The following FHIT variants were observed in gnomAD, a reference collection of about 807,000 sequenced individuals.
FHIT encodes fragile histidine triad diadenosine triphosphatase, also known as bis(5'-adenosyl)-triphosphatase.
FHIT carries 19 observed loss-of-function variants against 17.9 expected under a neutral mutation model. The ratio of observed to expected loss-of-function variants is 1.06; its 90% CI spans 0.74 to 1.56. The LOEUF (loss-of-function observed/expected upper bound fraction) is 1.56. Ranked by LOEUF, FHIT falls within the 40% of genes most tolerant of loss-of-function variation. The pLI, the probability that FHIT is intolerant of heterozygous loss-of-function variation, is 0.00. For missense variants in FHIT, 248 were observed against 189.2 expected, an observed-to-expected ratio of 1.31 and a Z score of -1.82; for synonymous variants, 81 against 69.7, an observed-to-expected ratio of 1.16 and a Z score of -0.81.
intron 4 of FHIT, among the ~76,000 whole-genome samples, chr3:60,791,032 T>C (rs1376989653): frequency 6.6e-6 from 1 of 152,186 alleles, no homozygotes; most frequent in African/African-American, 2.4e-5. Flanking sequence ...AAGACTCTTT[T>C]TAGACAAATG....
intron 5 of FHIT, among the ~76,000 whole-genome samples, chr3:60,309,832 C>T (rs1218590861): frequency 1.3e-5 from 2 of 152,114 alleles, no homozygotes; most frequent in Non-Finnish European, 2.9e-5. Context: ...CCTCTATCAG[C>T]TCAAGTCGCT....
At chr3:60,106,269 G>C (rs765537566) in intron 5 of FHIT, among the ~76,000 whole-genome samples, 6 of 152,142 alleles carry the variant, frequency 3.9e-5, no homozygotes, top group Admixed American at 1.3e-4. Flanking sequence ...AAGTCCCAAA[G>C]TATCTCTTTT....
At chr3:60,294,435 G>A (rs957557876) in intron 5 of FHIT, among the ~76,000 whole-genome samples, 2 of 152,172 alleles carry the variant, frequency 1.3e-5, no homozygotes, top group East Asian at 3.9e-4. Flanking sequence ...TCACAAGTTA[G>A]CTGGCAGCAG....
intron 5 of FHIT, among the ~76,000 whole-genome samples, chr3:60,046,700 T>C (rs1277502528): frequency 6.6e-6 from 1 of 152,214 alleles, no homozygotes. Context: ...AGAAAGCCAG[T>C]AATGTTTACA....
chr3:60,225,560 C>G (rs116265723), intron 5 of FHIT, among the ~76,000 whole-genome samples: 2 of 152,156 alleles, frequency 1.3e-5, no homozygotes, highest in African/African-American at 4.8e-5. Flanking sequence ...AGATACAAGA[C>G]AGTCTGCACG....
chr3:60,335,145 T>G (rs1051288321), intron 5 of FHIT, among the ~76,000 whole-genome samples: 1 of 152,192 alleles, frequency 6.6e-6, no homozygotes, highest in African/African-American at 2.4e-5. Flanking sequence ...AATCTCTGAT[T>G]TGTAAAGGAA....
chr3:59,805,074 T>C (rs559077941), intron 8 of FHIT, among the ~76,000 whole-genome samples: 1 of 152,030 alleles, frequency 6.6e-6, no homozygotes, highest in East Asian at 1.9e-4. Context: ...GGAGAAAGAG[T>C]CCTCCTCTGT....
intron 3 of FHIT, among the ~76,000 whole-genome samples, chr3:60,865,337 G>C (rs1704109080): frequency 6.6e-6 from 1 of 152,090 alleles, no homozygotes; most frequent in Non-Finnish European, 1.5e-5. Context: ...CCCATTTCAA[G>C]TCCTCAACAG....
At chr3:59,882,925 C>G (rs753689705) in intron 8 of FHIT, among the ~76,000 whole-genome samples, 4 of 152,110 alleles carry the variant, frequency 2.6e-5, no homozygotes, top group African/African-American at 9.7e-5. Context: ...CTATGCTGTT[C>G]GGAGGAGGAA....
At chr3:61,009,349 T>G (rs539510166) in intron 3 of FHIT, among the ~76,000 whole-genome samples, 13 of 152,326 alleles carry the variant, frequency 8.5e-5, no homozygotes, top group African/African-American at 3.1e-4. Context: ...TTGTGTTTTC[T>G]TCTCTGAAAC....
intron 5 of FHIT, among the ~76,000 whole-genome samples, chr3:60,133,594 G>T (rs1559663860): frequency 6.6e-6 from 1 of 152,062 alleles, no homozygotes; most frequent in Admixed American, 6.6e-5. Flanking sequence ...TCCCCAGTGT[G>T]GAAGATTGTC....
chr3:60,951,232 G>A (rs1243412842), intron 3 of FHIT, among the ~76,000 whole-genome samples: 2 of 152,218 alleles, frequency 1.3e-5, no homozygotes, highest in Non-Finnish European at 2.9e-5. Context: ...TAGAGGCTGT[G>A]AGTTGGAGTC....
At chr3:59,889,124 G>C (rs554118603) in intron 8 of FHIT, among the ~76,000 whole-genome samples, 2 of 152,266 alleles carry the variant, frequency 1.3e-5, no homozygotes, top group African/African-American at 4.8e-5. Flanking sequence ...ATTCAAACCA[G>C]AGCACCATCC....
chr3:60,267,017 A>G (rs1201066538), intron 5 of FHIT, among the ~76,000 whole-genome samples: 1 of 152,264 alleles, frequency 6.6e-6, no homozygotes, highest in East Asian at 1.9e-4. Flanking sequence ...TAATATGAAT[A>G]TTAATTTCAT....
chr3:60,039,248 C>T (rs1407273331), intron 5 of FHIT, among the ~76,000 whole-genome samples: 1 of 152,168 alleles, frequency 6.6e-6, no homozygotes, highest in Non-Finnish European at 1.5e-5. Context: ...CAAGAAAAGC[C>T]AAAGTTCCTT....
At chr3:60,935,299 C>T (rs1180668915) in intron 3 of FHIT, among the ~76,000 whole-genome samples, 1 of 152,184 alleles carries the variant, frequency 6.6e-6, no homozygotes, top group Non-Finnish European at 1.5e-5. Context: ...TTCCCTAGCA[C>T]TGTGATAACA....
At chr3:60,864,280 C>G (rs1704060313) in intron 3 of FHIT, among the ~76,000 whole-genome samples, 4 of 152,108 alleles carry the variant, frequency 2.6e-5, no homozygotes, top group South Asian at 4.2e-4. Context: ...AGAGACAGAC[C>G]CATGATTCAT....
At chr3:60,690,409 C>T in intron 4 of FHIT, 2 of 579,720 alleles carry the variant, frequency 3.4e-6, no homozygotes, top group Middle Eastern at 3.2e-4. Flanking sequence ...TGCGTTGGGT[C>T]CAGCATTTGC....
intron 2 of FHIT, among the ~76,000 whole-genome samples, chr3:61,172,405 T>C (rs892939757): frequency 2.6e-5 from 4 of 152,162 alleles, no homozygotes; most frequent in South Asian, 2.1e-4. Context: ...AGTGTGCATA[T>C]GCATAGAACA....
Sources: allele counts gnomAD v4.1 joint callset (sites outside exome capture counted in the v4.1 genomes callset), GRCh38; gene constraint gnomAD v4.1.1; transcripts MANE v1.5; gene names NCBI Gene and HGNC (gene_info 2026-07-23, HGNC 2026-07-21).